The following PROS1 variants were observed in gnomAD, a reference collection of about 807,000 sequenced individuals.
The protein encoded by PROS1 is protein S.
In PROS1, 29 loss-of-function variants were observed where a neutral mutation model predicts 75.9. The observed-to-expected ratio is 0.38, with a 90% CI of 0.28 to 0.52. The LOEUF (loss-of-function observed/expected upper bound fraction) is 0.52. PROS1 is among the 20% of genes least tolerant of loss of function. The probability of loss-of-function intolerance (pLI) is 0.83; values close to 1 mark genes in which losing one functional copy is unlikely to be tolerated. For synonymous variants in PROS1, 245 were observed against 280.6 expected, an observed-to-expected ratio of 0.87 and a Z score of 1.27; for missense variants, 680 against 810.3, an observed-to-expected ratio of 0.84 and a Z score of 1.95.
At chr3:93,957,900 C>A (rs1205816094) in intron 1 of PROS1, among the ~76,000 whole-genome samples, 1 of 151,902 alleles carries the variant, frequency 6.6e-6, no homozygotes, top group African/African-American at 2.4e-5. Flanking sequence ...ACCAGCCTGG[C>A]CAACATGGTG....
At chr3:93,906,674 GCA>G (rs1396282007) in intron 4 of PROS1, among the ~76,000 whole-genome samples, 4 of 152,236 alleles carry the variant, frequency 2.6e-5, no homozygotes, top group African/African-American at 9.6e-5. Context: ...GAGTGCAGCT[GCA>G]GCTGCCCAAG....
At chr3:93,911,691 C>T (rs1420640804) in intron 3 of PROS1, among the ~76,000 whole-genome samples, 7 of 152,284 alleles carry the variant, frequency 4.6e-5, no homozygotes, top group Non-Finnish European at 7.4e-5. Context: ...AAGTTCTCCA[C>T]GTGGGTGTTT....
At chr3:93,882,875 T>C (rs2107134427) in intron 12 of PROS1, among the ~76,000 whole-genome samples, 1 of 152,280 alleles carries the variant, frequency 6.6e-6, no homozygotes, top group Middle Eastern at 3.4e-3. Context: ...CGGTCTCCTC[T>C]ACACAACACA....
intron 14 of PROS1, among the ~76,000 whole-genome samples, chr3:93,875,915 T>G (rs1297054982): frequency 6.6e-6 from 1 of 152,214 alleles, no homozygotes; most frequent in Non-Finnish European, 1.5e-5. Flanking sequence ...CCATTTAAAG[T>G]GAAATATTGG....
chr3:93,878,807 A>G (rs756649520), intron 13 of PROS1, among the ~76,000 whole-genome samples: 4 of 152,032 alleles, frequency 2.6e-5, no homozygotes, highest in African/African-American at 4.8e-5. Flanking sequence ...TGTTGACAGT[A>G]CAGACTAATT....
chr3:93,927,483 TTAAAATC>T, intron 1 of PROS1, 76 bp from the exon 2 acceptor site: 1 of 1,452,416 alleles, frequency 6.9e-7, no homozygotes, highest in Non-Finnish European at 9.4e-7. Flanking sequence ...ACAATAAGAG[TTAAAATC>T]ATTTTCTGCC....
At chr3:93,930,485 G>A (rs559409915) in intron 1 of PROS1, among the ~76,000 whole-genome samples, 24 of 152,122 alleles carry the variant, frequency 1.6e-4, no homozygotes, top group Non-Finnish European at 2.6e-4. Context: ...AATGCACTTA[G>A]GAAATAAAGC....
intron 1 of PROS1, among the ~76,000 whole-genome samples, chr3:93,960,419 G>A (rs1445691765): frequency 3.3e-5 from 5 of 150,698 alleles, no homozygotes; most frequent in Non-Finnish European, 7.4e-5. Context: ...CCTGAGATCC[G>A]CCCGCCTCGG....
Position 93,873,301 on chromosome 3 carries a change from A to G in PROS1, c.*944T>C, listed in dbSNP as rs1457750165. 1.3e-5 allele frequency: 2 copies of G among 152,236 alleles called. No individual in the cohort carries two copies. Among genetic ancestry groups the G allele is most frequent in the African/African-American group, 2.4e-5 (1 of 41,468 alleles). The allele number at this position is 152,236 out of a possible 1,614,324, so 9.4% of individuals were successfully genotyped here. ...GCAATCTTACCTCCTTACTTCTTTG[A>G]TTACAATGATACGATATTCACTATA... On this transcript the variant is annotated 3_prime_UTR_variant, in exon 15 of 15. Transcript: ENST00000394236.
chr3:93,947,387 A>G (rs1193721244), intron 1 of PROS1, among the ~76,000 whole-genome samples: 1 of 152,046 alleles, frequency 6.6e-6, no homozygotes, highest in Admixed American at 6.6e-5. Flanking sequence ...GCAGAAGCTC[A>G]GAAACCAGGA....
chr3:93,899,410 AAATT>A (rs1708551849), intron 7 of PROS1, among the ~76,000 whole-genome samples: 1 of 152,148 alleles, frequency 6.6e-6, no homozygotes, highest in Non-Finnish European at 1.5e-5. Flanking sequence ...TAGATTCCCA[AAATT>A]AATAATCCTT....
At chr3:93,912,998 T>A (rs535800678) in intron 3 of PROS1, among the ~76,000 whole-genome samples, 2 of 152,340 alleles carry the variant, frequency 1.3e-5, no homozygotes, top group East Asian at 3.9e-4. Context: ...AGTCCTGATA[T>A]GGTTTAGCTG....
At chr3:93,967,274 A>G (rs1246461820) in intron 1 of PROS1, among the ~76,000 whole-genome samples, 1 of 152,234 alleles carries the variant, frequency 6.6e-6, no homozygotes, top group Non-Finnish European at 1.5e-5. Context: ...CTCTTCCATC[A>G]TGGAGGAGCA....
intron 1 of PROS1, among the ~76,000 whole-genome samples, chr3:93,959,603 G>T (rs1709669912): frequency 6.6e-6 from 1 of 152,184 alleles, no homozygotes; most frequent in South Asian, 2.1e-4. Flanking sequence ...AATGTGGATA[G>T]AAATTACCTG....
intron 3 of PROS1, among the ~76,000 whole-genome samples, chr3:93,920,051 GT>G (rs1446985415): frequency 9.2e-5 from 14 of 152,008 alleles, no homozygotes; most frequent in African/African-American, 3.4e-4. Flanking sequence ...TTTAAAATGA[GT>G]TTACTGAGTT....
rs1479405206 is a variant in PROS1, at chr3:93,896,647, T to C, written c.894A>G (p.Glu298=). 1.2e-6 allele frequency: 2 copies of C among 1,613,790 alleles called. No homozygotes were observed. The highest frequency in any genetic ancestry group is 2.2e-5 in the South Asian group (2 of 91,082). ...CAAACTGCTCCGCCAAGTAAAGTAATTCATACTTTGTGTCAAGGTTCAAGG... is the reference window on the plus strand; with the variant it reads ...CAAACTGCTCCGCCAAGTAAAGTAACTCATACTTTGTGTCAAGGTTCAAGG... ...CLPLNLDTKY[E]LLYLAEQFAG... The change falls in exon 9 of 15, where the codon GAA becomes GAG. Residue 298 remains glutamate (E), a synonymous_variant. Transcript: ENST00000394236.
Position 93,896,642 on chromosome 3 carries a change from A to C in PROS1, c.899T>G (p.Leu300Arg). ...CCCTGCAAACTGCTCCGCCAAGTAA[A>C]GTAATTCATACTTTGTGTCAAGGTT... ...PLNLDTKYEL[L>R]YLAEQFAGVV... Residue 300 changes from leucine to arginine, a missense_variant, in exon 9 of 15, where the codon CTT (leucine) becomes CGT (arginine). Coordinates refer to ENST00000394236, the MANE Select transcript of PROS1 (RefSeq NM_000313.4). 1 of 1,613,910 alleles carries C rather than the reference A, an allele frequency of 6.2e-7. No homozygotes were observed. Among genetic ancestry groups the C allele is most frequent in the Non-Finnish European group, 8.5e-7 (1 of 1,179,870 alleles).
chr3:93,936,886 G>A (rs1709192221), intron 1 of PROS1, among the ~76,000 whole-genome samples: 1 of 152,132 alleles, frequency 6.6e-6, no homozygotes, highest in African/African-American at 2.4e-5. Flanking sequence ...AAAATTTTAA[G>A]GAGTAAGAGA....
intron 8 of PROS1, 130 bp downstream of exon 8, chr3:93,898,318 T>C: frequency 2.8e-6 from 3 of 1,076,912 alleles, no homozygotes; most frequent in Non-Finnish European, 4.2e-6. Flanking sequence ...TCATGACTCA[T>C]AACCTGCTTA....
Sources: gnomAD v4.1 joint callset for allele counts (sites outside exome capture counted in the v4.1 genomes callset) on GRCh38, gnomAD v4.1.1 for gene constraint, MANE v1.5 for transcripts, NCBI Gene and HGNC (gene_info 2026-07-23, HGNC 2026-07-21) for gene names.